Variants in MYOM1 observed in about 807,000 individuals in gnomAD.
The protein encoded by MYOM1 is myomesin-1.
In MYOM1, 164 loss-of-function variants were observed where a neutral mutation model predicts 205.3. The observed-to-expected ratio is 0.80, with a 90% confidence interval of 0.70 to 0.91. The LOEUF is 0.91. Among genes scored for constraint, MYOM1 ranks in the 40% least tolerant of loss-of-function variants. The probability of loss-of-function intolerance (pLI) is 0.00; values close to 1 mark genes in which losing one functional copy is unlikely to be tolerated. For synonymous variants in MYOM1, 772 were observed against 789.4 expected (o/e 0.98, Z 0.37); for missense variants, 2,011 against 2,127.3 (o/e 0.95, Z 1.08).
chr18:3,101,358 G>C (rs1315532825), intron 23 of MYOM1, among the ~76,000 whole-genome samples: 3 of 152,180 alleles, frequency 2.0e-5, no homozygotes, highest in Non-Finnish European at 4.4e-5. Context: ...AGCTTGGTAA[G>C]CTTTTGCTAT....
chr18:3,119,267 A>G (rs11665602), intron 20 of MYOM1, among the ~76,000 whole-genome samples: 62,294 of 151,794 alleles, frequency 0.41, 13,118 homozygotes, highest in East Asian at 0.64. Flanking sequence ...AGGGCTGGAA[A>G]AGTCAGTGCA....
chr18:3,174,283 T>A, intron 6 of MYOM1, 75 bp from the exon 7 acceptor site: 1 of 1,301,070 alleles, frequency 7.7e-7, no homozygotes, highest in Non-Finnish European at 1.1e-6. Flanking sequence ...ATCAAGGAAC[T>A]CTTTGCTATC....
intron 5 of MYOM1, among the ~76,000 whole-genome samples, chr18:3,182,888 C>A (rs1363529872): frequency 6.6e-6 from 1 of 150,816 alleles, no homozygotes; most frequent in Non-Finnish European, 1.5e-5. Flanking sequence ...GCAGCAGCAT[C>A]CTCTGCAACT....
At chr18:3,084,290 A>C (rs2079124528) in intron 31 of MYOM1, among the ~76,000 whole-genome samples, 3 of 152,160 alleles carry the variant, frequency 2.0e-5, no homozygotes, top group Admixed American at 2.0e-4. Context: ...AGAAAGGGCC[A>C]CAAGAGATTT....
At chr18:3,071,590 C>A (rs2078959148) in intron 37 of MYOM1, among the ~76,000 whole-genome samples, 1 of 152,152 alleles carries the variant, frequency 6.6e-6, no homozygotes, top group Admixed American at 6.5e-5. Flanking sequence ...AACTGCTGAC[C>A]TCAGGTGATC....
At chr18:3,232,827 T>C in the MYOM1 span, among the ~76,000 whole-genome samples, 1 of 152,130 alleles carries the variant, frequency 6.6e-6, no homozygotes, top group Non-Finnish European at 1.5e-5. Flanking sequence ...TTCACATAAA[T>C]ATGTTTCACC....
In MYOM1 at chr18:3,100,407, C is replaced by A. The variant is rs901853136; in HGVS notation, c.3595G>T (p.Asp1199Tyr). The change falls in exon 24 of 38, where the codon GAC (aspartate) becomes TAC (tyrosine). Residue 1199 changes from aspartate to tyrosine, a missense_variant. Coordinates refer to ENST00000356443, the MANE Select transcript of MYOM1 (RefSeq NM_003803.4). ...ATACCCAAGTCATCCATCCCAAGGT[C>A]TTTGAAGGTCATTTTCGTCCTTCGG... ...KGNKTKMTFKDLGMDDLGIYS... is the reference protein window; with the variant it reads ...KGNKTKMTFKYLGMDDLGIYS... 70 of 1,613,700 alleles carry A rather than the reference C, an allele frequency of 4.3e-5. No individual in the cohort carries two copies. The highest frequency in any genetic ancestry group is 5.9e-5 in the Non-Finnish European group (70 of 1,179,804).
At chr18:3,074,144 G>A (rs980049189) in intron 36 of MYOM1, among the ~76,000 whole-genome samples, 6 of 152,218 alleles carry the variant, frequency 3.9e-5, no homozygotes, top group African/African-American at 1.4e-4. Flanking sequence ...AAAACTGCTT[G>A]TGGATGTAGG....
intron 1 of MYOM1, among the ~76,000 whole-genome samples, chr18:3,215,525 C>G (rs1185736517): frequency 6.6e-6 from 1 of 152,036 alleles, no homozygotes; most frequent in Non-Finnish European, 1.5e-5. Flanking sequence ...ATTGCTTGAG[C>G]CCAAGACTTC....
intron 34 of MYOM1, among the ~76,000 whole-genome samples, chr18:3,078,175 G>A (rs2079041893): frequency 6.6e-6 from 1 of 151,914 alleles, no homozygotes; most frequent in Admixed American, 6.6e-5. Context: ...CCAAGTAGCT[G>A]GGATTACAGG....
At chr18:3,112,496 C>G in intron 21 of MYOM1, 84 bp from the exon 22 acceptor site, 1 of 1,024,154 alleles carries the variant, frequency 9.8e-7, no homozygotes, top group Non-Finnish European at 1.4e-6. Flanking sequence ...GGCTCTTCCT[C>G]TGTAGTAATG....
At chr18:3,078,890 T>C (rs974468083) in intron 34 of MYOM1, among the ~76,000 whole-genome samples, 4 of 151,876 alleles carry the variant, frequency 2.6e-5, no homozygotes, top group African/African-American at 9.7e-5. Flanking sequence ...ACAGGCTGGC[T>C]GGTCTTGAAC....
chr18:3,131,955 T>A (rs556271832), intron 16 of MYOM1, among the ~76,000 whole-genome samples: 277 of 150,546 alleles, frequency 1.8e-3, no homozygotes, highest in African/African-American at 6.2e-3. Flanking sequence ...GTATATAAAG[T>A]ACCTATATAG....
At chr18:3,230,495 C>A in the MYOM1 span, among the ~76,000 whole-genome samples, 2 of 152,244 alleles carry the variant, frequency 1.3e-5, no homozygotes, top group East Asian at 1.9e-4. Context: ...AGGCTGGTTG[C>A]CGGCCAAGTT....
chr18:3,210,747 G>A (rs1029929334), intron 2 of MYOM1, among the ~76,000 whole-genome samples: 1 of 152,140 alleles, frequency 6.6e-6, no homozygotes, highest in Non-Finnish European at 1.5e-5. Context: ...TATGATCAAG[G>A]GGAGTTGCTG....
intron 22 of MYOM1, among the ~76,000 whole-genome samples, chr18:3,103,690 A>G (rs1278529983): frequency 6.6e-6 from 1 of 152,192 alleles, no homozygotes; most frequent in Admixed American, 6.5e-5. Flanking sequence ...TTCTGTCTGG[A>G]TTGTATTACA....
At position 3,166,294 on chromosome 18, in the gene MYOM1, G is replaced by A. The variant is rs564729438; in HGVS notation, c.1340-1855C>T. On this transcript the variant is annotated intron_variant, in intron 9 of 37. Transcript: ENST00000356443. ...TTTTTTTTTTTTTTTTATTTGAGGCGGCGTCTCAGTCTGTCATCCAGGCTA... is the reference window on the plus strand; with the variant it reads ...TTTTTTTTTTTTTTTTATTTGAGGCAGCGTCTCAGTCTGTCATCCAGGCTA... Among the ~76,000 whole-genome samples the A allele has an allele frequency of 8.6e-4, 124 of 144,392 alleles. 1 individual carries two copies. In the South Asian group the frequency reaches 0.021, roughly 25 times the overall value. The allele number at this position is 144,392 out of a possible 152,430, so 94.7% of individuals were successfully genotyped here. A position where few individuals can be genotyped will look rare whatever the true frequency, so the allele number is the denominator to read the frequency against.
chr18:3,194,401 C>A (rs1238824037), intron 2 of MYOM1, among the ~76,000 whole-genome samples: 1 of 152,198 alleles, frequency 6.6e-6, no homozygotes, highest in Admixed American at 6.5e-5. Context: ...TTGGTTTACA[C>A]TGAGACCTTT....
chr18:3,188,695 C>A, intron 4 of MYOM1, 53 bp downstream of exon 4: 1 of 1,427,258 alleles, frequency 7.0e-7, no homozygotes, highest in Non-Finnish European at 9.4e-7. Context: ...ACACACACCC[C>A]TTATGACATG....
Sources: allele counts gnomAD v4.1 joint callset (sites outside exome capture counted in the v4.1 genomes callset), GRCh38; gene constraint gnomAD v4.1.1; transcripts MANE v1.5; gene names NCBI Gene and HGNC (gene_info 2026-07-23, HGNC 2026-07-21).